BRD10: variants seen among roughly 807,000 people sequenced by gnomAD.
BRD10 encodes the protein uncharacterized bromodomain-containing protein 10.
At chr9:5,929,839 T>A in the BRD10 span, among the ~76,000 whole-genome samples, 1 of 152,128 alleles carries the variant, frequency 6.6e-6, no homozygotes, top group Non-Finnish European at 1.5e-5. Flanking sequence ...TTACAAATGA[T>A]GAAAATAAGG....
At chr9:5,925,456 T>C in the BRD10 span, among the ~76,000 whole-genome samples, 1 of 152,050 alleles carries the variant, frequency 6.6e-6, no homozygotes, top group Non-Finnish European at 1.5e-5. Context: ...TTTATAAAGG[T>C]TGCTGTTAGA....
At chr9:5,991,081 T>C in the BRD10 span, among the ~76,000 whole-genome samples, 1 of 152,300 alleles carries the variant, frequency 6.6e-6, no homozygotes, top group Middle Eastern at 3.4e-3. Context: ...AAGATGTCCA[T>C]ATTACACTGC....
the BRD10 span, among the ~76,000 whole-genome samples, chr9:5,996,167 A>G: frequency 6.6e-6 from 1 of 152,220 alleles, no homozygotes; most frequent in East Asian, 1.9e-4. Flanking sequence ...AAATAAATAC[A>G]TATATAAAAA....
chr9:5,971,073 A>C, the BRD10 span, among the ~76,000 whole-genome samples: 4 of 150,454 alleles, frequency 2.7e-5, no homozygotes, highest in African/African-American at 7.3e-5. Flanking sequence ...AAAAAAAAAA[A>C]AAAAAAGGAG....
At chr9:5,954,071 G>A in the BRD10 span, 6 of 1,556,722 alleles carry the variant, frequency 3.9e-6, no homozygotes, top group South Asian at 4.7e-5. Flanking sequence ...CTTTGTGATT[G>A]CTTTTTTAGA....
At chr9:5,884,190 C>A in the BRD10 span, among the ~76,000 whole-genome samples, 30 of 152,314 alleles carry the variant, frequency 2.0e-4, no homozygotes, top group African/African-American at 7.0e-4. Flanking sequence ...TGTTTTCACA[C>A]ACAACAATAC....
the BRD10 span, among the ~76,000 whole-genome samples, chr9:5,985,272 T>C: frequency 1.3e-5 from 2 of 152,086 alleles, no homozygotes; most frequent in Admixed American, 6.5e-5. Context: ...AGAATAAACA[T>C]AACCAGAAAA....
chr9:5,908,964 G>A, the BRD10 span: 1 of 417,016 alleles, frequency 2.4e-6, no homozygotes, highest in Non-Finnish European at 4.3e-6. Flanking sequence ...CAGAGGTAAT[G>A]TTAGTAAATC....
the BRD10 span, among the ~76,000 whole-genome samples, chr9:5,975,610 A>T: frequency 4.6e-5 from 7 of 152,164 alleles, no homozygotes; most frequent in African/African-American, 1.7e-4. Context: ...ATGAAAATAC[A>T]CAGAATGCGA....
At chr9:5,943,686 T>C in the BRD10 span, among the ~76,000 whole-genome samples, 3 of 152,206 alleles carry the variant, frequency 2.0e-5, no homozygotes, top group African/African-American at 7.2e-5. Context: ...CTAAAGTGTA[T>C]ACGTATAAAA....
At chr9:5,991,510 G>A in the BRD10 span, among the ~76,000 whole-genome samples, 2 of 152,026 alleles carry the variant, frequency 1.3e-5, no homozygotes, top group Admixed American at 6.6e-5. Flanking sequence ...ATCACCTGAC[G>A]TCAGGAGTTC....
chr9:5,886,489 C>T, the BRD10 span, among the ~76,000 whole-genome samples: 1 of 152,344 alleles, frequency 6.6e-6, no homozygotes, highest in Non-Finnish European at 1.5e-5. Context: ...GCAGATGCTG[C>T]TATTATCCCT....
chr9:5,879,058 G>A, the BRD10 span, among the ~76,000 whole-genome samples: 1 of 152,138 alleles, frequency 6.6e-6, no homozygotes, highest in Admixed American at 6.5e-5. Flanking sequence ...TGACTTCCAG[G>A]GTTGTTCTGA....
At chr9:5,980,682 T>TAGAG in the BRD10 span, among the ~76,000 whole-genome samples, 1 of 151,600 alleles carries the variant, frequency 6.6e-6, no homozygotes, top group Non-Finnish European at 1.5e-5. Context: ...TATATGTATA[T>TAGAG]AGAGAGAGAG....
chr9:6,000,455 C>A, the BRD10 span, among the ~76,000 whole-genome samples: 1 of 152,114 alleles, frequency 6.6e-6, no homozygotes, highest in Non-Finnish European at 1.5e-5. Flanking sequence ...TAAAATAAAA[C>A]TATGAAAGGG....
At chr9:5,918,884 AAAGCC>A in the BRD10 span, 1 of 152,190 alleles carries the variant, frequency 6.6e-6, no homozygotes, top group African/African-American at 2.4e-5. Context: ...TGTAAGCTGG[AAAGCC>A]ATGTACAAGT....
chr9:5,965,323 A>C, the BRD10 span, among the ~76,000 whole-genome samples: 19 of 152,160 alleles, frequency 1.2e-4, no homozygotes, highest in Non-Finnish European at 1.5e-5. Flanking sequence ...AATTCAAAAA[A>C]AAAACACTAC....
the BRD10 span, chr9:6,007,941 C>T: frequency 7.5e-7 from 1 of 1,328,620 alleles, no homozygotes; most frequent in Non-Finnish European, 9.6e-7. Flanking sequence ...GCTCGGTGCG[C>T]GCGGGGGTCT....
the BRD10 span, among the ~76,000 whole-genome samples, chr9:5,939,189 TATTA>T: frequency 3.3e-5 from 5 of 152,146 alleles, no homozygotes; most frequent in Non-Finnish European, 7.4e-5. Context: ...TGAAAGCCGT[TATTA>T]ATGTTATAAA....
Sources: allele counts gnomAD v4.1 joint callset (sites outside exome capture counted in the v4.1 genomes callset), GRCh38; gene constraint gnomAD v4.1.1; transcripts MANE v1.5; gene names NCBI Gene and HGNC (gene_info 2026-07-23, HGNC 2026-07-21).